ADGRB2: variants seen among roughly 807,000 people sequenced by gnomAD.
ADGRB2 encodes brain-specific angiogenesis inhibitor 2.
Under a neutral mutation model 178.7 loss-of-function variants are expected in ADGRB2, and 47 were observed. That is an observed-to-expected ratio of 0.26 (90% CI 0.21 to 0.34). The LOEUF is 0.34. ADGRB2 is among the 10% of genes least tolerant of loss of function. The probability of loss-of-function intolerance (pLI) is 1.00; values close to 1 mark genes in which losing one functional copy is unlikely to be tolerated. For missense variants in ADGRB2, 1,584 were observed against 2,180.8 expected (o/e 0.73, Z 5.45); for synonymous variants, 870 against 912.4 (o/e 0.95, Z 0.84).
In ADGRB2 at chr1:31,727,691, G is replaced by A. The variant is rs1439094103; in HGVS notation, c.4573-86C>T. 21 of 1,340,290 alleles carry A rather than the reference G, an allele frequency of 1.6e-5. No individual in the cohort carries two copies. The highest frequency in any genetic ancestry group is 1.4e-5 in the Non-Finnish European group (14 of 1,018,526). 83.0% of individuals were successfully genotyped at this position (1,340,290 alleles called of 1,614,324 possible). A position where few individuals can be genotyped will look rare whatever the true frequency, so the allele number is the denominator to read the frequency against. On this transcript the variant is annotated intron_variant, in intron 32 of 32. Transcript: ENST00000373658. The surrounding 1 kb of genome is among the most constrained non-coding windows in gnomAD (Gnocchi z 4.4). The stretch of plus-strand genomic sequence containing the variant: ...GATCAAACTGAGGAGTCCCAGAGAG[G>A]GCTGGTAATGCCCAAAGTTATGGAG...
chr1:31,727,328 G>A lies in ADGRB2; in HGVS notation c.*92C>T, dbSNP rs1645038169. 2.1e-6 allele frequency: 3 copies of A among 1,409,956 alleles called. No homozygotes were observed. Among genetic ancestry groups the A allele is most frequent in the East Asian group, 3.0e-5 (1 of 33,712 alleles). The allele number at this position is 1,409,956 out of a possible 1,614,324, so 87.3% of individuals were successfully genotyped here. ...TCCCTGCCCAGCCCTCGGGAGAGGG[G>A]AGAGGGCGCTGGCTCCTGGGTAGTT... On this transcript the variant is annotated 3_prime_UTR_variant, in exon 33 of 33. Coordinates refer to ENST00000373658, the MANE Select transcript of ADGRB2 (RefSeq NM_001364857.2). The surrounding 1 kb of genome is among the most constrained non-coding windows in gnomAD (Gnocchi z 4.4).
chr1:31,756,666 G>A lies in ADGRB2; in HGVS notation c.171C>T (p.Leu57=). 6.2e-7 allele frequency: 1 copy of A among 1,609,448 alleles called. No homozygotes were observed. The highest frequency in any genetic ancestry group is 1.7e-5 in the Admixed American group (1 of 59,664). ...VLYGAFSLQD[L]FPTIASGCSW... ...AGCAGCCCGAGGCGATGGTAGGAAAGAGGTCCTGCAGCGAGAAGGCCCCGT... is the reference window on the plus strand; with the variant it reads ...AGCAGCCCGAGGCGATGGTAGGAAAAAGGTCCTGCAGCGAGAAGGCCCCGT... Residue 57 remains leucine, a synonymous_variant, in exon 4 of 33, where the codon CTC becomes CTT. Coordinates refer to ENST00000373658, the MANE Select transcript of ADGRB2 (RefSeq NM_001364857.2). This position sits in a 1 kb window ranked among gnomAD's most constrained non-coding sequence, Gnocchi z 8.5.
At chr1:31,746,755 C>T (rs1646294876) in intron 4 of ADGRB2, among the ~76,000 whole-genome samples, 1 of 152,212 alleles carries the variant, frequency 6.6e-6, no homozygotes, top group African/African-American at 2.4e-5. Flanking sequence ...AAAGGCCAGC[C>T]CCGTGGCCTG....
chr1:31,759,810 C>G lies in ADGRB2; in HGVS notation c.-190-2299G>C, dbSNP rs907844328. 9.2e-5 allele frequency among the ~76,000 whole-genome samples: 14 copies of G among 152,190 alleles called. No homozygotes were observed. Among genetic ancestry groups the G allele is most frequent in the African/African-American group, 2.7e-4 (11 of 41,432 alleles). On this transcript the variant is annotated intron_variant, in intron 1 of 32. Transcript: ENST00000373658. The surrounding 1 kb of genome is among the most constrained non-coding windows in gnomAD (Gnocchi z 4.3). ...GCACTGATGACCCAGAGGCCTCTCC[C>G]TGAGCCACCCGGGAAGGGGACCTAG...
chr1:31,757,073 G>C (rs1335329050), intron 3 of ADGRB2, 128 bp downstream of exon 3: 1 of 1,495,614 alleles, frequency 6.7e-7, no homozygotes, highest in African/African-American at 1.4e-5. Flanking sequence ...AAGGACTCGC[G>C]AGAGTGCCTG....
At position 31,737,768 on chromosome 1, in the gene ADGRB2, G is replaced by C. The variant is rs763507501; in HGVS notation, c.2773-13C>G. On this transcript the variant is annotated splice_polypyrimidine_tract_variant and intron_variant, in intron 18 of 32. Transcript: ENST00000373658. ...CCAGCTCCAGGGTCTGGGGAAGATG[G>C]GCAGACAGTCAGATGGGTTCCTGGG... 6.2e-7 allele frequency: 1 copy of C among 1,612,200 alleles called. No homozygotes were observed. The highest frequency in any genetic ancestry group is 1.7e-5 in the Admixed American group (1 of 59,988).
chr1:31,750,515 G>C (rs1646512196), intron 4 of ADGRB2, among the ~76,000 whole-genome samples: 1 of 152,108 alleles, frequency 6.6e-6, no homozygotes, highest in African/African-American at 2.4e-5. Flanking sequence ...ACTCCACACA[G>C]TCCTGTGCCC....
At chr1:31,747,636 C>T (rs1646344130) in intron 4 of ADGRB2, among the ~76,000 whole-genome samples, 1 of 152,164 alleles carries the variant, frequency 6.6e-6, no homozygotes, top group South Asian at 2.1e-4. Context: ...GTCAGAAATA[C>T]CCCCAACTCT....
At chr1:31,738,741 C>T in intron 16 of ADGRB2, 91 bp downstream of exon 16, 1 of 1,594,048 alleles carries the variant, frequency 6.3e-7, no homozygotes, top group Non-Finnish European at 8.6e-7. Flanking sequence ...GGGTTCAGCC[C>T]ACCATCAGGG....
intron 4 of ADGRB2, among the ~76,000 whole-genome samples, chr1:31,748,923 G>A (rs1057230307): frequency 6.6e-6 from 1 of 152,166 alleles, no homozygotes; most frequent in African/African-American, 2.4e-5. Context: ...AAGCTCCAAG[G>A]TCTCATACTA....
chr1:31,755,913 C>A lies in ADGRB2; in HGVS notation c.838+86G>T. The A allele has an allele frequency of 6.6e-7, 1 of 1,513,964 alleles. No homozygotes were observed. 93.8% of individuals were successfully genotyped at this position (1,513,964 alleles called of 1,614,324 possible). On this transcript the variant is annotated intron_variant, in intron 4 of 32. Coordinates refer to ENST00000373658, the MANE Select transcript of ADGRB2 (RefSeq NM_001364857.2). This position sits in a 1 kb window ranked among gnomAD's most constrained non-coding sequence, Gnocchi z 5.1. ...GGTGACATCAGTGAACAGCTACATG[C>A]ATGGCCGAGGATCTGCCAGGATGGA... is the stretch of plus-strand genomic sequence containing the variant.
At chr1:31,742,290 G>C in intron 7 of ADGRB2, 73 bp from the exon 8 acceptor site, 1 of 1,522,244 alleles carries the variant, frequency 6.6e-7, no homozygotes, top group Non-Finnish European at 8.8e-7. Context: ...GAGAACCACA[G>C]GAAGACCCAG....
At chr1:31,730,670 T>G (rs1418940232) in intron 29 of ADGRB2, 130 bp downstream of exon 29, 8 of 1,232,304 alleles carry the variant, frequency 6.5e-6, no homozygotes, top group Non-Finnish European at 6.3e-6. Context: ...AACAGAGAAA[T>G]GCTCAGTGTA....
chr1:31,755,860 G>A lies in ADGRB2; in HGVS notation c.838+139C>T, dbSNP rs1298421204. On this transcript the variant is annotated intron_variant, in intron 4 of 32. Coordinates refer to ENST00000373658, the MANE Select transcript of ADGRB2 (RefSeq NM_001364857.2). This position sits in a 1 kb window ranked among gnomAD's most constrained non-coding sequence, Gnocchi z 5.1. ...CTCACTGCCATGCATTTTGGTGACC[G>A]CAACATTTGGACAAGGCTCAGCAGA... 8.1e-5 allele frequency: 100 copies of A among 1,228,660 alleles called. No individual in the cohort carries two copies. The highest frequency in any genetic ancestry group is 3.7e-4 in the South Asian group (24 of 64,594). 76.1% of individuals were successfully genotyped at this position (1,228,660 alleles called of 1,614,324 possible). A position where few individuals can be genotyped will look rare whatever the true frequency, so the allele number is the denominator to read the frequency against.
Position 31,764,227 on chromosome 1 carries a change from G to A in ADGRB2, c.-534C>T, listed in dbSNP as rs1647137481. The A allele has an allele frequency of 5.1e-6, 1 of 197,810 alleles. No homozygotes were observed. The highest frequency in any genetic ancestry group is 2.4e-5 in the African/African-American group (1 of 40,884). The allele number at this position is 197,810 out of a possible 1,614,324, so 12.3% of individuals were successfully genotyped here. A position where few individuals can be genotyped will look rare whatever the true frequency, so the allele number is the denominator to read the frequency against. On this transcript the variant is annotated 5_prime_UTR_variant, in exon 1 of 33. Transcript: ENST00000373658. The surrounding 1 kb of genome is among the most constrained non-coding windows in gnomAD (Gnocchi z 7.3). ...TTGCGGGCGGCGGCCGCAGCCCCGG[G>A]CTCTGAGAGCCGGTGCCGCATCCTC...
rs1397785099 is a variant in ADGRB2, at chr1:31,736,397, G to A, written c.3131-7C>T. On this transcript the variant is annotated splice_polypyrimidine_tract_variant and splice_region_variant and intron_variant, in intron 21 of 32. Coordinates refer to ENST00000373658, the MANE Select transcript of ADGRB2 (RefSeq NM_001364857.2). ...ACCACCAGGGCAGGCAGACCTGGGGGAGCAGGGGTGCCAGAGTGAGATGGT... is the reference window on the plus strand; with the variant it reads ...ACCACCAGGGCAGGCAGACCTGGGGAAGCAGGGGTGCCAGAGTGAGATGGT... The A allele has an allele frequency of 5.6e-6, 9 of 1,613,678 alleles. No homozygotes were observed. In the African/African-American group the frequency reaches 8.0e-5, roughly 14 times the overall value.
rs763208840 is a variant in ADGRB2, at chr1:31,736,742, G to C, written c.2980-19C>G. 2.8e-5 allele frequency: 45 copies of C among 1,611,350 alleles called. 1 individual carries two copies. The Admixed American group carries it at 7.5e-4, about 27-fold the overall frequency. ...ACACGCCCTGCAGGGAGAGGGAATG[G>C]GAGGGAGTGGCCCTGAGCAGCCGCC... On this transcript the variant is annotated intron_variant, in intron 20 of 32. Coordinates refer to ENST00000373658, the MANE Select transcript of ADGRB2 (RefSeq NM_001364857.2).
At position 31,736,350 on chromosome 1, in the gene ADGRB2, G is replaced by A; in HGVS notation, c.3171C>T (p.Thr1057=). The A allele has an allele frequency of 6.2e-7, 1 of 1,614,062 alleles. No individual in the cohort carries two copies. The highest frequency in any genetic ancestry group is 8.5e-7 in the Non-Finnish European group (1 of 1,179,998). Reference sequence around the variant, plus strand: ...TGGATGTACCGTATCCTTTCGTTCGGGTAAAGCCAACAGACACGGCCACCA... The same window carrying A: ...TGGATGTACCGTATCCTTTCGTTCGAGTAAAGCCAACAGACACGGCCACCA... ...ALVVAVSVGF[T]RTKGYGTSSY... is the part of the protein sequence containing the mutation. Residue 1057 remains threonine, a synonymous_variant, in exon 22 of 33, where the codon ACC becomes ACT. Transcript: ENST00000373658.
At position 31,754,354 on chromosome 1, in the gene ADGRB2, G is replaced by A. The variant is rs766391542; in HGVS notation, c.838+1645C>T. On this transcript the variant is annotated intron_variant, in intron 4 of 32. Coordinates refer to ENST00000373658, the MANE Select transcript of ADGRB2 (RefSeq NM_001364857.2). The surrounding 1 kb of genome is among the most constrained non-coding windows in gnomAD (Gnocchi z 5.7). ...CTGCAGATCACTGGACCGATGGACCGCAGGGAAAGCCAGACAAAAGAACCC... is the reference window on the plus strand; with the variant it reads ...CTGCAGATCACTGGACCGATGGACCACAGGGAAAGCCAGACAAAAGAACCC... Among the ~76,000 whole-genome samples, 14 of 152,260 alleles carry A rather than the reference G, an allele frequency of 9.2e-5. No individual in the cohort carries two copies. Among genetic ancestry groups the A allele is most frequent in the Non-Finnish European group, 1.9e-4 (13 of 68,042 alleles).
Sources: gnomAD v4.1 joint callset for allele counts (sites outside exome capture counted in the v4.1 genomes callset) on GRCh38, gnomAD v4.1.1 for gene constraint, Gnocchi (gnomAD v3.1) non-coding constraint, MANE v1.5 for transcripts, NCBI Gene and HGNC (gene_info 2026-07-23, HGNC 2026-07-21) for gene names.